The following PCDHGB2 variants were observed in gnomAD, a reference collection of about 807,000 sequenced individuals.
PCDHGB2 encodes the protein protocadherin gamma subfamily B, 2, also known as protocadherin gamma-B2.
A neutral mutation model predicts 59.3 loss-of-function variants in PCDHGB2; 55 were observed. The observed-to-expected ratio is 0.93, with a 90% confidence interval of 0.75 to 1.16. PCDHGB2 has a LOEUF of 1.16. Among genes scored for constraint, PCDHGB2 ranks in the 50% most tolerant of loss-of-function variants. PCDHGB2 has a pLI of 0.00. For missense variants in PCDHGB2, 1,228 were observed against 1,198.5 expected (o/e 1.02, Z -0.36); for synonymous variants, 516 against 512.0 (o/e 1.01, Z -0.11).
intron 1 of PCDHGB2, chr5:141,409,578 T>A: frequency 6.2e-7 from 1 of 1,613,942 alleles, no homozygotes. Context: ...TCCTACGTGG[T>A]CCACGTGGCC....
chr5:141,461,778 C>CA (rs1280703059), intron 1 of PCDHGB2, among the ~76,000 whole-genome samples: 6 of 152,052 alleles, frequency 3.9e-5, no homozygotes, highest in Non-Finnish European at 7.4e-5. Context: ...CTCAGCCTCC[C>CA]AAGTAGCTGG....
At chr5:141,379,527 T>C (rs1182908156) in intron 1 of PCDHGB2, 1 of 152,228 alleles carries the variant, frequency 6.6e-6, no homozygotes, top group African/African-American at 2.4e-5. Context: ...GAGCATTTGT[T>C]GTTATAGGGA....
chr5:141,365,707 C>T, intron 1 of PCDHGB2: 1 of 1,613,728 alleles, frequency 6.2e-7, no homozygotes, highest in Non-Finnish European at 8.5e-7. Flanking sequence ...CCTACTCCAC[C>T]TCTGTCACAG....
chr5:141,414,243 A>G (rs2154544977), intron 1 of PCDHGB2: 1 of 1,613,556 alleles, frequency 6.2e-7, no homozygotes. Context: ...TCACGTCTCT[A>G]TTTAGTCCAG....
chr5:141,423,095 A>ACG (rs2096709208), intron 1 of PCDHGB2: 4 of 1,613,860 alleles, frequency 2.5e-6, no homozygotes, highest in African/African-American at 2.7e-5. Flanking sequence ...GTGGGGGAGC[A>ACG]CACGGGCGAG....
chr5:141,401,586 A>G (rs1174763520), intron 1 of PCDHGB2, among the ~76,000 whole-genome samples: 2 of 152,228 alleles, frequency 1.3e-5, no homozygotes, highest in Admixed American at 1.3e-4. Context: ...ATCCTGACAT[A>G]TTCTTGAAGA....
chr5:141,404,695 TGCAGAGCC>T, intron 1 of PCDHGB2: 1 of 1,614,122 alleles, frequency 6.2e-7, no homozygotes, highest in Non-Finnish European at 8.5e-7. Flanking sequence ...CACCCCGCTC[TGCAGAGCC>T]TGGCTACCTG....
Position 141,489,806 on chromosome 5 carries a change from A to G in PCDHGB2, c.2422-5001A>G. 1 of 1,614,198 alleles carries G rather than the reference A, an allele frequency of 6.2e-7. No homozygotes were observed. Among genetic ancestry groups the G allele is most frequent in the South Asian group, 1.1e-5 (1 of 91,082 alleles). Reference sequence around the variant, plus strand: ...AATGTGAAGACCCTAAAAGATGGGAAGCCATTCCCAGAGCTGGTGCTAGAG... The same window carrying G: ...AATGTGAAGACCCTAAAAGATGGGAGGCCATTCCCAGAGCTGGTGCTAGAG... On this transcript the variant is annotated intron_variant, in intron 1 of 3. Coordinates refer to ENST00000522605, the MANE Select transcript of PCDHGB2 (RefSeq NM_018923.3). The surrounding 1 kb of genome is among the most constrained non-coding windows in gnomAD (Gnocchi z 4.5).
intron 1 of PCDHGB2, chr5:141,421,105 G>A: frequency 1.4e-6 from 1 of 700,910 alleles, no homozygotes; most frequent in Non-Finnish European, 2.3e-6. Context: ...TGGAGACTTA[G>A]AAGTATTTTC....
At chr5:141,483,258 T>G (rs2099579023) in intron 1 of PCDHGB2, among the ~76,000 whole-genome samples, 1 of 137,930 alleles carries the variant, frequency 7.3e-6, no homozygotes, top group South Asian at 2.1e-4. Flanking sequence ...TCATGAGGTT[T>G]TTTTGTTTTA....
At chr5:141,371,462 A>G (rs181808735) in intron 1 of PCDHGB2, 29 of 1,613,988 alleles carry the variant, frequency 1.8e-5, no homozygotes, top group Admixed American at 3.3e-5. Flanking sequence ...CCCAACATAT[A>G]CAAGAAGATG....
chr5:141,451,497 G>T (rs2098717489), intron 1 of PCDHGB2, among the ~76,000 whole-genome samples: 1 of 152,214 alleles, frequency 6.6e-6, no homozygotes, highest in Admixed American at 6.5e-5. Flanking sequence ...CCTCCATAGG[G>T]CAACCAGCTT....
chr5:141,383,277 T>C, intron 1 of PCDHGB2: 9 of 1,613,888 alleles, frequency 5.6e-6, no homozygotes, highest in Non-Finnish European at 7.6e-6. Context: ...TAATAGATAT[T>C]AATGACAACG....
Position 141,361,816 on chromosome 5 carries a change from C to A in PCDHGB2, c.1681C>A (p.Arg561=). ...LVGDLNDNAP[R]VLYPALGPDG... is the part of the protein sequence containing the mutation. ...GGGCGACCTCAATGACAATGCGCCA[C>A]GGGTGCTGTACCCCGCGCTGGGGCC... is the stretch of plus-strand genomic sequence containing the variant. Residue 561 remains arginine (R), a synonymous_variant, in exon 1 of 4, where the codon CGG becomes AGG. Coordinates refer to ENST00000522605, the MANE Select transcript of PCDHGB2 (RefSeq NM_018923.3). 2 of 1,613,084 alleles carry A rather than the reference C, an allele frequency of 1.2e-6. No individual in the cohort carries two copies. The highest frequency in any genetic ancestry group is 2.2e-5 in the East Asian group (1 of 44,866).
chr5:141,478,941 A>G (rs889484528), intron 1 of PCDHGB2: 2 of 589,470 alleles, frequency 3.4e-6, no homozygotes, highest in Non-Finnish European at 5.6e-6. Context: ...TTCTAGGAAT[A>G]CAAAAACTAC....
rs776854254 is a variant in PCDHGB2 at position 141,487,285 on chromosome 5, C to T, written c.2422-7522C>T. On this transcript the variant is annotated intron_variant, in intron 1 of 3. Coordinates refer to ENST00000522605, the MANE Select transcript of PCDHGB2 (RefSeq NM_018923.3). This position sits in a 1 kb window ranked among gnomAD's most constrained non-coding sequence, Gnocchi z 5.0. The stretch of plus-strand genomic sequence containing the variant: ...CCCTAGTGGCAATTTGCTTTGTCTC[C>T]TTTGGCTCATTCGTGGCACTACTCT... 8 of 1,614,148 alleles carry T rather than the reference C, an allele frequency of 5.0e-6. No homozygotes were observed. The highest frequency in any genetic ancestry group is 6.8e-6 in the Non-Finnish European group (8 of 1,180,036).
chr5:141,485,619 G>A lies in PCDHGB2; in HGVS notation c.2422-9188G>A. On this transcript the variant is annotated intron_variant, in intron 1 of 3. Coordinates refer to ENST00000522605, the MANE Select transcript of PCDHGB2 (RefSeq NM_018923.3). This position sits in a 1 kb window ranked among gnomAD's most constrained non-coding sequence, Gnocchi z 5.7. ...GAAATTGGGGAGGCAGCTCCTCCAG[G>A]ACAGCGTTTCCCGTTGGAAAAGGCT... 3 of 1,612,234 alleles carry A rather than the reference G, an allele frequency of 1.9e-6. No homozygotes were observed. The highest frequency in any genetic ancestry group is 2.5e-6 in the Non-Finnish European group (3 of 1,178,678).
Position 141,361,647 on chromosome 5 carries a change from C to T in PCDHGB2, c.1512C>T (p.Tyr504=), listed in dbSNP as rs749825779. 22 of 1,613,724 alleles carry T rather than the reference C, an allele frequency of 1.4e-5. No individual in the cohort carries two copies. Among genetic ancestry groups the T allele is most frequent in the South Asian group, 3.3e-5 (3 of 91,096 alleles). ...SDLKPREILS[Y]VSVSAQSGVV... is the part of the protein sequence containing the mutation. ...TGAAGCCGCGGGAGATTTTATCCTA[C>T]GTGTCCGTGAGCGCGCAGAGCGGGG... is the stretch of plus-strand genomic sequence containing the variant. Residue 504 remains tyrosine (Y), a synonymous_variant, in exon 1 of 4, where the codon TAC becomes TAT. Coordinates refer to ENST00000522605, the MANE Select transcript of PCDHGB2 (RefSeq NM_018923.3).
rs1443411888 is a variant in PCDHGB2, at chr5:141,374,687, C to T, written c.2421+12131C>T. 3.7e-6 allele frequency: 6 copies of T among 1,609,326 alleles called. No individual in the cohort carries two copies. In the East Asian group the frequency reaches 6.7e-5, roughly 18 times the overall value. ...GCTGGTGCTGGAGGGCACACTGGAC[C>T]GGGAAGGAGAAGCCGTTTACCGCCT... is the stretch of plus-strand genomic sequence containing the variant. On this transcript the variant is annotated intron_variant, in intron 1 of 3. Transcript: ENST00000522605.
Sources: allele counts gnomAD v4.1 joint callset (sites outside exome capture counted in the v4.1 genomes callset), GRCh38; gene constraint gnomAD v4.1.1; non-coding constraint Gnocchi (gnomAD v3.1); transcripts MANE v1.5; gene names NCBI Gene and HGNC (gene_info 2026-07-23, HGNC 2026-07-21).